Variants in ABCC4 observed in about 807,000 individuals in gnomAD.
The protein encoded by ABCC4 is ATP binding cassette subfamily C member 4 (PEL blood group).
ABCC4 carries 102 observed loss-of-function variants against 168.5 expected under a neutral mutation model. The observed-to-expected ratio is 0.61, with a 90% CI of 0.52 to 0.71. ABCC4 has a LOEUF of 0.71. ABCC4 is among the 30% of genes least tolerant of loss of function. The probability of loss-of-function intolerance (pLI) is 0.00; values close to 1 mark genes in which losing one functional copy is unlikely to be tolerated. For missense variants in ABCC4, 1,402 were observed against 1,605.8 expected (o/e 0.87, Z 2.17); for synonymous variants, 617 against 590.7 (o/e 1.04, Z -0.65).
chr13:95,065,847 T>C (rs1463884418), intron 25 of ABCC4, among the ~76,000 whole-genome samples: 1 of 152,194 alleles, frequency 6.6e-6, no homozygotes, highest in Non-Finnish European at 1.5e-5. Context: ...TTAGTTTGAT[T>C]CTACAAAGTG....
In ABCC4 at chr13:95,161,169, A is replaced by G; in HGVS notation, c.2455+20T>C. ...TTGTTAACAAGACATACTTACTGAG[A>G]AACTTGGTGTCAGACTTACCTATTG... On this transcript the variant is annotated intron_variant, in intron 19 of 30. Coordinates refer to ENST00000645237, the MANE Select transcript of ABCC4 (RefSeq NM_005845.5). The G allele has an allele frequency of 6.4e-7, 1 of 1,569,784 alleles. No homozygotes were observed. The highest frequency in any genetic ancestry group is 8.6e-7 in the Non-Finnish European group (1 of 1,163,170).
chr13:95,232,292 A>G (rs1174143359), intron 4 of ABCC4, among the ~76,000 whole-genome samples: 2 of 152,178 alleles, frequency 1.3e-5, no homozygotes, highest in South Asian at 2.1e-4. Flanking sequence ...TCACAGAATT[A>G]TAAGATTGAT....
At chr13:95,030,835 C>A (rs1397072092) in intron 30 of ABCC4, among the ~76,000 whole-genome samples, 3 of 152,144 alleles carry the variant, frequency 2.0e-5, no homozygotes, top group African/African-American at 7.2e-5. Context: ...AACCAGTGCA[C>A]CCTTCAGCTT....
intron 11 of ABCC4, among the ~76,000 whole-genome samples, chr13:95,182,134 C>T (rs1181621727): frequency 1.3e-5 from 2 of 152,132 alleles, no homozygotes; most frequent in Admixed American, 1.3e-4. Flanking sequence ...TGATATGGTT[C>T]TCCCAACTGA....
intron 24 of ABCC4, 78 bp downstream of exon 24, chr13:95,073,125 TA>T (rs1414502399): frequency 1.1e-5 from 13 of 1,147,250 alleles, no homozygotes; most frequent in Non-Finnish European, 1.5e-5. Context: ...ACAGTTTTAA[TA>T]TTTCACATAA....
At chr13:95,254,766 T>G (rs568392755) in intron 1 of ABCC4, among the ~76,000 whole-genome samples, 67 of 152,176 alleles carry the variant, frequency 4.4e-4, no homozygotes, top group Admixed American at 1.7e-3. Flanking sequence ...TTAAATTTTC[T>G]ACTCAGCACC....
At chr13:95,131,522 G>A (rs763781338) in intron 19 of ABCC4, among the ~76,000 whole-genome samples, 2 of 152,090 alleles carry the variant, frequency 1.3e-5, no homozygotes, top group Non-Finnish European at 2.9e-5. Context: ...CCAGCTATTC[G>A]GGAGGCTGAG....
intron 19 of ABCC4, among the ~76,000 whole-genome samples, chr13:95,128,088 C>A (rs1431678146): frequency 1.3e-5 from 2 of 152,236 alleles, no homozygotes; most frequent in East Asian, 3.8e-4. Flanking sequence ...TTGGTAGTAG[C>A]AGGGAGTCCT....
chr13:95,159,218 C>T (rs1360719889), intron 19 of ABCC4, among the ~76,000 whole-genome samples: 2 of 145,586 alleles, frequency 1.4e-5, no homozygotes, highest in Non-Finnish European at 3.0e-5. Flanking sequence ...GTAAAAAGTG[C>T]AAAAATTTTA....
chr13:95,150,288 G>A (rs1207726876), intron 19 of ABCC4, among the ~76,000 whole-genome samples: 2 of 152,174 alleles, frequency 1.3e-5, no homozygotes, highest in Non-Finnish European at 1.5e-5. Context: ...TTGGAACACT[G>A]TCTGCCTAAA....
chr13:95,244,296 G>C (rs560163910), intron 3 of ABCC4, among the ~76,000 whole-genome samples: 3 of 151,852 alleles, frequency 2.0e-5, no homozygotes, highest in Non-Finnish European at 4.4e-5. Context: ...CAAAAGTAGG[G>C]TTAAAAGAAT....
intron 19 of ABCC4, among the ~76,000 whole-genome samples, chr13:95,142,236 A>C (rs1184953278): frequency 6.6e-6 from 1 of 152,260 alleles, no homozygotes; most frequent in Non-Finnish European, 1.5e-5. Context: ...ATACGACAGA[A>C]TACTACTCAG....
At chr13:95,263,128 A>G (rs756245000) in intron 1 of ABCC4, among the ~76,000 whole-genome samples, 7 of 152,162 alleles carry the variant, frequency 4.6e-5, no homozygotes, top group African/African-American at 7.2e-5. Flanking sequence ...CTACAGAAAA[A>G]AACGTGTGTT....
chr13:95,267,279 T>C (rs923572210), intron 1 of ABCC4, among the ~76,000 whole-genome samples: 1 of 152,114 alleles, frequency 6.6e-6, no homozygotes, highest in Non-Finnish European at 1.5e-5. Flanking sequence ...TTCTTTCCCA[T>C]GCTATTCCCA....
intron 20 of ABCC4, 76 bp from the exon 21 acceptor site, chr13:95,083,366 G>C: frequency 6.6e-7 from 1 of 1,518,506 alleles, no homozygotes; most frequent in Non-Finnish European, 8.9e-7. Flanking sequence ...GTTGTTGTTA[G>C]GATTACACTC....
chr13:95,060,934 C>T (rs1198687519), intron 26 of ABCC4, among the ~76,000 whole-genome samples: 1 of 152,176 alleles, frequency 6.6e-6, no homozygotes, highest in African/African-American at 2.4e-5. Flanking sequence ...GGTGACGACG[C>T]TTCTCCTTTG....
At chr13:95,218,917 GAGAA>G (rs1164936858) in intron 4 of ABCC4, among the ~76,000 whole-genome samples, 1 of 36,042 alleles carries the variant, frequency 2.8e-5, no homozygotes, top group Admixed American at 3.3e-4. Flanking sequence ...GAGAGAGAGA[GAGAA>G]AGAAAGAGAA....
At chr13:95,151,635 GAGAAGGAGA>G (rs1192778215) in intron 19 of ABCC4, among the ~76,000 whole-genome samples, 5 of 144,078 alleles carry the variant, frequency 3.5e-5, no homozygotes, top group East Asian at 2.0e-4. Context: ...GAAGAAGGAG[GAGAAGGAGA>G]AGAAGGAGAA....
intron 30 of ABCC4, among the ~76,000 whole-genome samples, chr13:95,023,220 T>A (rs1291208216): frequency 1.3e-5 from 2 of 152,334 alleles, no homozygotes; most frequent in African/African-American, 2.4e-5. Context: ...TGTATTTTTT[T>A]AAATATATAT....
Sources: gnomAD v4.1 joint callset for allele counts (sites outside exome capture counted in the v4.1 genomes callset) on GRCh38, gnomAD v4.1.1 for gene constraint, MANE v1.5 for transcripts, NCBI Gene and HGNC (gene_info 2026-07-23, HGNC 2026-07-21) for gene names.